Variants in GRID2 observed in about 807,000 individuals in gnomAD.
GRID2 encodes glutamate ionotropic receptor delta type subunit 2.
A neutral mutation model predicts 114.8 loss-of-function variants in GRID2; 33 were observed. The ratio of observed to expected loss-of-function variants is 0.29; its 90% CI spans 0.22 to 0.38. The LOEUF (loss-of-function observed/expected upper bound fraction) is 0.38. Among genes scored for constraint, GRID2 ranks in the 10% least tolerant of loss-of-function variants. The pLI is 1.00. For missense variants in GRID2, 1,184 were observed against 1,257.7 expected (o/e 0.94, Z 0.89); for synonymous variants, 505 against 449.9 (o/e 1.12, Z -1.55).
chr4:92,591,467 T>G (rs540028223), intron 2 of GRID2, among the ~76,000 whole-genome samples: 1 of 152,314 alleles, frequency 6.6e-6, no homozygotes, highest in East Asian at 1.9e-4. Flanking sequence ...CAAAATTAAT[T>G]TAGTCAAATA....
At chr4:93,370,352 G>T (rs1377491903) in intron 8 of GRID2, among the ~76,000 whole-genome samples, 1 of 151,052 alleles carries the variant, frequency 6.6e-6, no homozygotes, top group Non-Finnish European at 1.5e-5. Context: ...TCCTCTCCTT[G>T]CTTCATAATA....
At chr4:93,176,921 G>A (rs753145137) in intron 4 of GRID2, among the ~76,000 whole-genome samples, 6 of 152,126 alleles carry the variant, frequency 3.9e-5, no homozygotes, top group African/African-American at 7.2e-5. Flanking sequence ...GTGTATTTCC[G>A]GAGTGAGGGA....
intron 1 of GRID2, among the ~76,000 whole-genome samples, chr4:92,357,347 A>G (rs750790970): frequency 3.9e-5 from 6 of 151,914 alleles, no homozygotes; most frequent in Non-Finnish European, 1.5e-5. Context: ...TAATAGCCAA[A>G]ATGTTTATGA....
At chr4:92,695,004 T>C (rs1734356652) in intron 2 of GRID2, among the ~76,000 whole-genome samples, 1 of 152,168 alleles carries the variant, frequency 6.6e-6, no homozygotes, top group African/African-American at 2.4e-5. Context: ...TCTCACTCTG[T>C]CACCCAGGCT....
chr4:93,588,178 T>C (rs957952756), intron 13 of GRID2, among the ~76,000 whole-genome samples: 2 of 151,896 alleles, frequency 1.3e-5, no homozygotes, highest in African/African-American at 4.8e-5. Flanking sequence ...TAAGAGGTGA[T>C]TTTTCCAAAT....
intron 2 of GRID2, among the ~76,000 whole-genome samples, chr4:92,929,416 A>G (rs977139463): frequency 6.6e-6 from 1 of 151,334 alleles, no homozygotes; most frequent in Non-Finnish European, 1.5e-5. Flanking sequence ...AGATACATTA[A>G]AAAACCTAAC....
intron 8 of GRID2, among the ~76,000 whole-genome samples, chr4:93,343,698 TA>T (rs1759897258): frequency 6.6e-6 from 1 of 152,052 alleles, no homozygotes; most frequent in African/African-American, 2.4e-5. Flanking sequence ...AAATGTTTGG[TA>T]GATTTGGGGA....
intron 1 of GRID2, among the ~76,000 whole-genome samples, chr4:92,375,756 G>A (rs1306188717): frequency 6.6e-6 from 1 of 152,060 alleles, no homozygotes; most frequent in Non-Finnish European, 1.5e-5. Context: ...TGTGAAATAG[G>A]CTGGACTTTG....
intron 2 of GRID2, among the ~76,000 whole-genome samples, chr4:92,830,394 C>T (rs980269086): frequency 6.6e-6 from 1 of 151,714 alleles, no homozygotes; most frequent in Admixed American, 6.6e-5. Flanking sequence ...TTTTGTGGTG[C>T]ATAAACCATA....
At chr4:92,734,096 CA>C (rs1458780710) in intron 2 of GRID2, among the ~76,000 whole-genome samples, 1 of 152,050 alleles carries the variant, frequency 6.6e-6, no homozygotes, top group Non-Finnish European at 1.5e-5. Flanking sequence ...ATGAAATAAA[CA>C]GTTGCTTTGT....
chr4:93,656,848 A>T (rs1049797245), intron 14 of GRID2, among the ~76,000 whole-genome samples: 1 of 148,044 alleles, frequency 6.8e-6, no homozygotes, highest in Non-Finnish European at 1.5e-5. Flanking sequence ...AAAAAAAAAA[A>T]AAAAAAAAAC....
At chr4:92,401,321 A>G (rs1226113566) in intron 1 of GRID2, among the ~76,000 whole-genome samples, 1 of 152,198 alleles carries the variant, frequency 6.6e-6, no homozygotes, top group Non-Finnish European at 1.5e-5. Context: ...ATGTTTATAT[A>G]GTAATTTCAA....
chr4:93,413,331 A>G (rs963272134), intron 9 of GRID2, among the ~76,000 whole-genome samples: 4 of 152,238 alleles, frequency 2.6e-5, no homozygotes, highest in Middle Eastern at 3.4e-3. Flanking sequence ...TTTGATTCGC[A>G]TTGCTCTAAT....
intron 10 of GRID2, among the ~76,000 whole-genome samples, chr4:93,439,262 A>G (rs758130652): frequency 6.6e-6 from 1 of 152,084 alleles, no homozygotes; most frequent in Non-Finnish European, 1.5e-5. Flanking sequence ...CGCCACACTG[A>G]CTTCCACATT....
chr4:92,463,702 CT>C (rs1011645867), intron 1 of GRID2, among the ~76,000 whole-genome samples: 2 of 151,718 alleles, frequency 1.3e-5, no homozygotes, highest in African/African-American at 2.4e-5. Context: ...TTTCTCACAG[CT>C]TTTTTTTGTG....
At chr4:93,604,829 T>C (rs1299539975) in intron 13 of GRID2, among the ~76,000 whole-genome samples, 1 of 152,240 alleles carries the variant, frequency 6.6e-6, no homozygotes, top group African/African-American at 2.4e-5. Flanking sequence ...CAATAAAATA[T>C]TTTTAATTCG....
At chr4:92,334,413 T>C (rs895302551) in intron 1 of GRID2, among the ~76,000 whole-genome samples, 1 of 152,164 alleles carries the variant, frequency 6.6e-6, no homozygotes, top group African/African-American at 2.4e-5. Context: ...TTCCACATTT[T>C]CAGGTATTTG....
chr4:92,503,410 C>A (rs975051201), intron 1 of GRID2, among the ~76,000 whole-genome samples: 8 of 152,092 alleles, frequency 5.3e-5, no homozygotes, highest in African/African-American at 1.9e-4. Flanking sequence ...ACAATGAAAT[C>A]ATCCAATCCA....
intron 9 of GRID2, among the ~76,000 whole-genome samples, chr4:93,419,895 G>C (rs1768093810): frequency 6.6e-6 from 1 of 152,024 alleles, no homozygotes; most frequent in African/African-American, 2.4e-5. Flanking sequence ...AGAATTAATA[G>C]TTTTTAGCAA....
Sources: gnomAD v4.1 joint callset for allele counts (sites outside exome capture counted in the v4.1 genomes callset) on GRCh38, gnomAD v4.1.1 for gene constraint, MANE v1.5 for transcripts, NCBI Gene and HGNC (gene_info 2026-07-23, HGNC 2026-07-21) for gene names.